Variants in POU2F1 observed in about 807,000 individuals in gnomAD.
POU2F1 encodes POU domain, class 2, transcription factor 1.
Under a neutral mutation model 84.9 loss-of-function variants are expected in POU2F1, and 16 were observed. The observed-to-expected ratio is 0.19, with a 90% CI of 0.13 to 0.29. The LOEUF (loss-of-function observed/expected upper bound fraction) is 0.29. POU2F1 is among the 10% of genes least tolerant of loss of function. The pLI, the probability that POU2F1 is intolerant of heterozygous loss-of-function variation, is 1.00. For missense variants in POU2F1, 738 were observed against 942.6 expected, an observed-to-expected ratio of 0.78 and a Z score of 2.84; for synonymous variants, 368 against 368.3, an observed-to-expected ratio of 1.00 and a Z score of 0.01.
At chr1:167,332,994 T>G (rs1400309279) in intron 2 of POU2F1, among the ~76,000 whole-genome samples, 1 of 152,164 alleles carries the variant, frequency 6.6e-6, no homozygotes, top group East Asian at 1.9e-4. Flanking sequence ...CAGTAAAATG[T>G]TTTTTCTTAC....
At position 167,308,807 on chromosome 1, in the gene POU2F1, C is replaced by T. The variant is rs551039164; in HGVS notation, c.62-23663C>T. Among the ~76,000 whole-genome samples, 121 of 152,280 alleles carry T rather than the reference C, an allele frequency of 7.9e-4. 1 individual carries two copies. The highest frequency in any genetic ancestry group is 9.1e-4 in the Non-Finnish European group (62 of 68,016). On this transcript the variant is annotated intron_variant, in intron 1 of 15. Transcript: ENST00000367866. ...GTGCTGGGATTACAGGCATGAGCCA[C>T]CGTGCCTGGCCTTTTGTTATTTCTT... is the stretch of plus-strand genomic sequence containing the variant.
At chr1:167,250,162 T>C (rs150383882) in intron 1 of POU2F1, among the ~76,000 whole-genome samples, 25 of 152,272 alleles carry the variant, frequency 1.6e-4, no homozygotes, top group African/African-American at 5.5e-4. Context: ...CTGGACAATC[T>C]GTTCTGGCAT....
chr1:167,385,072 G>T (rs1266022181), intron 8 of POU2F1, among the ~76,000 whole-genome samples: 1 of 151,984 alleles, frequency 6.6e-6, no homozygotes, highest in South Asian at 2.1e-4. Flanking sequence ...TTTGGAAATT[G>T]AAATTAAGAA....
chr1:167,223,548 T>G (rs554499804), intron 1 of POU2F1, among the ~76,000 whole-genome samples: 1 of 152,294 alleles, frequency 6.6e-6, no homozygotes, highest in African/African-American at 2.4e-5. Flanking sequence ...TGTTAAACCT[T>G]TGAAATTATG....
chr1:167,328,485 G>C (rs1656856803), intron 1 of POU2F1, among the ~76,000 whole-genome samples: 3 of 152,130 alleles, frequency 2.0e-5, no homozygotes, highest in Admixed American at 6.6e-5. Context: ...GGATTATTTG[G>C]ATTGTGTAGA....
chr1:167,260,683 T>C (rs1651498844), intron 1 of POU2F1, among the ~76,000 whole-genome samples: 1 of 152,200 alleles, frequency 6.6e-6, no homozygotes, highest in Admixed American at 6.5e-5. Flanking sequence ...GTTCTACATT[T>C]CTTTTGACGC....
chr1:167,371,458 T>C (rs536636089), intron 4 of POU2F1, among the ~76,000 whole-genome samples: 26 of 152,330 alleles, frequency 1.7e-4, no homozygotes, highest in Non-Finnish European at 3.1e-4. Flanking sequence ...TGATGGGAGT[T>C]GCTAGATTTA....
chr1:167,414,359 C>T lies in POU2F1; in HGVS notation c.1991-1141C>T, dbSNP rs552236052. Reference sequence around the variant, plus strand: ...GCATGATTGACACTCTGAAAAGATACTAAGTTTGGAATCTCAGAAAAACTT... The same window carrying T: ...GCATGATTGACACTCTGAAAAGATATTAAGTTTGGAATCTCAGAAAAACTT... On this transcript the variant is annotated intron_variant, in intron 15 of 15. Transcript: ENST00000367866. The T allele has an allele frequency of 6.1e-6, 6 of 985,302 alleles. 1 individual carries two copies. The East Asian group carries it at 3.4e-4, about 56-fold the overall frequency. 61.0% of individuals were successfully genotyped at this position (985,302 alleles called of 1,614,324 possible). A position where few individuals can be genotyped will look rare whatever the true frequency, so the allele number is the denominator to read the frequency against.
chr1:167,424,536 T>C lies in POU2F1; in HGVS notation c.*8726T>C, dbSNP rs1650836758. ...TGTTGTATACCTCATTTCTAACTCG[T>C]GACCGAGTGACTTGCTTTAACTTTC... On this transcript the variant is annotated 3_prime_UTR_variant, in exon 16 of 16. Transcript: ENST00000367866. 2 of 152,236 alleles carry C rather than the reference T, an allele frequency of 1.3e-5. No individual in the cohort carries two copies. The highest frequency in any genetic ancestry group is 2.4e-5 in the African/African-American group (1 of 41,448). The allele number at this position is 152,236 out of a possible 1,614,324, so 9.4% of individuals were successfully genotyped here.
chr1:167,310,245 G>A (rs1305824873), intron 1 of POU2F1, among the ~76,000 whole-genome samples: 1 of 151,926 alleles, frequency 6.6e-6, no homozygotes, highest in African/African-American at 2.4e-5. Context: ...GGAAAGGGGG[G>A]AAGGGAGATC....
At chr1:167,227,197 G>GTA (rs1648701429) in intron 1 of POU2F1, among the ~76,000 whole-genome samples, 2 of 152,124 alleles carry the variant, frequency 1.3e-5, no homozygotes, top group Admixed American at 1.3e-4. Flanking sequence ...AGTGTTTGTA[G>GTA]TAGCTTTACT....
intron 1 of POU2F1, among the ~76,000 whole-genome samples, chr1:167,294,363 A>T (rs189524687): frequency 3.9e-5 from 6 of 151,952 alleles, no homozygotes; most frequent in African/African-American, 7.2e-5. Flanking sequence ...ATAATAATAA[A>T]AAAAGAATCA....
intron 1 of POU2F1, among the ~76,000 whole-genome samples, chr1:167,303,985 G>T (rs1654886825): frequency 6.6e-6 from 1 of 152,122 alleles, no homozygotes; most frequent in South Asian, 2.1e-4. Context: ...GTAGTAATGA[G>T]AATATTACAT....
At chr1:167,230,517 G>A (rs900538251) in intron 1 of POU2F1, among the ~76,000 whole-genome samples, 2 of 152,084 alleles carry the variant, frequency 1.3e-5, no homozygotes, top group Non-Finnish European at 1.5e-5. Flanking sequence ...TTCCACAGTA[G>A]CTTTTGAGGC....
intron 7 of POU2F1, among the ~76,000 whole-genome samples, chr1:167,378,667 G>C (rs143854283): frequency 0.019 from 2,881 of 151,826 alleles, 86 homozygotes; most frequent in African/African-American, 0.065. Flanking sequence ...CGGCCTCCCA[G>C]AGTGCTGGGA....
chr1:167,390,612 G>T (rs778293609), intron 9 of POU2F1, among the ~76,000 whole-genome samples: 1 of 151,436 alleles, frequency 6.6e-6, no homozygotes, highest in African/African-American at 2.4e-5. Flanking sequence ...GTGGGACCCT[G>T]TCTCTCCAAA....
At chr1:167,355,331 G>A (rs1466772166) in intron 2 of POU2F1, among the ~76,000 whole-genome samples, 1 of 151,646 alleles carries the variant, frequency 6.6e-6, no homozygotes, top group African/African-American at 2.4e-5. Flanking sequence ...GTGTTCATAG[G>A]TGTGTGTACC....
chr1:167,424,517 A>G lies in POU2F1; in HGVS notation c.*8707A>G, dbSNP rs1261095022. On this transcript the variant is annotated 3_prime_UTR_variant, in exon 16 of 16. Transcript: ENST00000367866. ...CCACCAGAAGTCCAGGAGCTGTTGT[A>G]TACCTCATTTCTAACTCGTGACCGA... The G allele has an allele frequency of 6.6e-6, 1 of 152,234 alleles. No homozygotes were observed. Among genetic ancestry groups the G allele is most frequent in the Non-Finnish European group, 1.5e-5 (1 of 68,054 alleles). The allele number at this position is 152,234 out of a possible 1,614,324, so 9.4% of individuals were successfully genotyped here. A position where few individuals can be genotyped will look rare whatever the true frequency, so the allele number is the denominator to read the frequency against.
chr1:167,306,463 T>C (rs1571266588), intron 1 of POU2F1, among the ~76,000 whole-genome samples: 1 of 152,326 alleles, frequency 6.6e-6, no homozygotes, highest in African/African-American at 2.4e-5. Context: ...TATCAAGATA[T>C]AATACCTTTA....
Sources: allele counts gnomAD v4.1 joint callset (sites outside exome capture counted in the v4.1 genomes callset), GRCh38; gene constraint gnomAD v4.1.1; transcripts MANE v1.5; gene names NCBI Gene and HGNC (gene_info 2026-07-23, HGNC 2026-07-21).